The following MMP16 variants were observed in gnomAD, a reference collection of about 807,000 sequenced individuals.
The protein encoded by MMP16 is matrix metallopeptidase 16.
A neutral mutation model predicts 67.8 loss-of-function variants in MMP16; 12 were observed. The observed-to-expected ratio is 0.18, with a 90% CI of 0.11 to 0.29. The LOEUF (loss-of-function observed/expected upper bound fraction) is 0.29. MMP16 is among the 10% of genes least tolerant of loss of function. The pLI, the probability that MMP16 is intolerant of heterozygous loss-of-function variation, is 1.00. For synonymous variants in MMP16, 249 were observed against 255.9 expected (o/e 0.97, Z 0.26); for missense variants, 475 against 765.7 (o/e 0.62, Z 4.48).
chr8:88,243,694 A>G (rs1385198421), intron 1 of MMP16, among the ~76,000 whole-genome samples: 3 of 152,182 alleles, frequency 2.0e-5, no homozygotes, highest in African/African-American at 7.2e-5. Flanking sequence ...AATCGTTGGA[A>G]GAAGGCCCAA....
intron 4 of MMP16, among the ~76,000 whole-genome samples, chr8:88,130,072 G>A (rs1808001489): frequency 6.6e-6 from 1 of 151,726 alleles, no homozygotes; most frequent in African/African-American, 2.4e-5. Context: ...CATTTCAGCA[G>A]TAACTTGAGC....
intron 4 of MMP16, among the ~76,000 whole-genome samples, chr8:88,125,322 G>T (rs1306103106): frequency 6.6e-6 from 1 of 151,592 alleles, no homozygotes; most frequent in Non-Finnish European, 1.5e-5. Context: ...AGGTTTGCTG[G>T]GAATGTTAGA....
At chr8:88,163,539 T>C (rs972438348) in intron 4 of MMP16, among the ~76,000 whole-genome samples, 5 of 152,090 alleles carry the variant, frequency 3.3e-5, no homozygotes, top group African/African-American at 9.7e-5. Context: ...CCTCTAGATA[T>C]TATTCTGTCA....
At chr8:88,321,705 T>A (rs1811462680) in intron 1 of MMP16, among the ~76,000 whole-genome samples, 1 of 152,196 alleles carries the variant, frequency 6.6e-6, no homozygotes, top group Non-Finnish European at 1.5e-5. Flanking sequence ...ATATTGCATT[T>A]CCCATCCCCT....
At chr8:88,062,642 C>T (rs1360391713) in intron 7 of MMP16, among the ~76,000 whole-genome samples, 1 of 151,582 alleles carries the variant, frequency 6.6e-6, no homozygotes, top group East Asian at 2.0e-4. Flanking sequence ...GAACATCACA[C>T]ACCGGGGCCT....
chr8:88,129,996 C>T (rs1220710138), intron 4 of MMP16, among the ~76,000 whole-genome samples: 1 of 151,630 alleles, frequency 6.6e-6, no homozygotes, highest in Admixed American at 6.6e-5. Context: ...AATAAGATTT[C>T]CCAGCTTGAT....
intron 3 of MMP16, among the ~76,000 whole-genome samples, chr8:88,173,880 A>AT (rs1244935265): frequency 6.6e-6 from 1 of 152,178 alleles, no homozygotes. Context: ...GGCAGACTTA[A>AT]TTAAGTACAT....
At chr8:88,087,260 A>G (rs1808848992) in intron 6 of MMP16, among the ~76,000 whole-genome samples, 1 of 151,904 alleles carries the variant, frequency 6.6e-6, no homozygotes, top group Non-Finnish European at 1.5e-5. Flanking sequence ...CATAAGCATC[A>G]TCATCATACT....
rs993789984 is a variant in MMP16 at position 88,206,709 on chromosome 8, T to C, written c.133-9403A>G. Among the ~76,000 whole-genome samples, 7 of 152,378 alleles carry C rather than the reference T, an allele frequency of 4.6e-5. No homozygotes were observed. In the South Asian group the frequency reaches 1.2e-3, roughly 27 times the overall value. On this transcript the variant is annotated intron_variant, in intron 1 of 9. Coordinates refer to ENST00000286614, the MANE Select transcript of MMP16 (RefSeq NM_005941.5). Reference sequence around the variant, plus strand: ...AATATCAGAAGTGTTTTGGTCTTTATTTAGAAGTCTGGTGATGGTTTTTGT... The same window carrying C: ...AATATCAGAAGTGTTTTGGTCTTTACTTAGAAGTCTGGTGATGGTTTTTGT...
chr8:88,302,467 T>C (rs1246584540), intron 1 of MMP16, among the ~76,000 whole-genome samples: 3 of 152,202 alleles, frequency 2.0e-5, no homozygotes, highest in Non-Finnish European at 4.4e-5. Context: ...AAAGTCCCTG[T>C]TGTACTCCTT....
At chr8:88,283,964 T>C (rs1810783130) in intron 1 of MMP16, among the ~76,000 whole-genome samples, 1 of 152,208 alleles carries the variant, frequency 6.6e-6, no homozygotes, top group Non-Finnish European at 1.5e-5. Flanking sequence ...ATTTGAGCAT[T>C]GAATAAATGT....
intron 1 of MMP16, among the ~76,000 whole-genome samples, chr8:88,275,043 A>C (rs993866479): frequency 6.6e-6 from 1 of 152,028 alleles, no homozygotes; most frequent in Non-Finnish European, 1.5e-5. Flanking sequence ...AATCACATTA[A>C]GGAGTAAATA....
At chr8:88,059,666 A>G (rs1808372907) in intron 7 of MMP16, among the ~76,000 whole-genome samples, 1 of 152,044 alleles carries the variant, frequency 6.6e-6, no homozygotes, top group South Asian at 2.1e-4. Flanking sequence ...GGTCCTTTAT[A>G]TCATCCCTTC....
At chr8:88,069,266 G>A (rs1234830453) in intron 7 of MMP16, 2 of 338,072 alleles carry the variant, frequency 5.9e-6, no homozygotes, top group Admixed American at 4.7e-5. Flanking sequence ...TCAATGTAGA[G>A]GTCATGCACA....
intron 6 of MMP16, among the ~76,000 whole-genome samples, chr8:88,079,780 T>A (rs1368545311): frequency 6.6e-6 from 1 of 152,100 alleles, no homozygotes; most frequent in Non-Finnish European, 1.5e-5. Context: ...ATTGCCCTTA[T>A]AAAAGAGGCC....
intron 1 of MMP16, among the ~76,000 whole-genome samples, chr8:88,256,845 C>A (rs940158892): frequency 6.6e-6 from 1 of 152,122 alleles, no homozygotes; most frequent in Non-Finnish European, 1.5e-5. Flanking sequence ...GTGAGGTCAT[C>A]ATAGCCAAAT....
intron 3 of MMP16, among the ~76,000 whole-genome samples, chr8:88,183,707 T>G: frequency 9.8e-6 from 1 of 102,230 alleles, no homozygotes; most frequent in East Asian, 2.9e-4. Context: ...TAACAAAATG[T>G]CCTTCTTTTT....
chr8:88,232,764 G>C (rs1311618500), intron 1 of MMP16, among the ~76,000 whole-genome samples: 1 of 152,160 alleles, frequency 6.6e-6, no homozygotes, highest in African/African-American at 2.4e-5. Flanking sequence ...ACAGCAAATG[G>C]ACTTTCAATG....
chr8:88,327,320 T>G lies in MMP16; in HGVS notation c.-114A>C. 2 of 1,422,704 alleles carry G rather than the reference T, an allele frequency of 1.4e-6. No homozygotes were observed. The highest frequency in any genetic ancestry group is 2.4e-5 in the East Asian group (1 of 42,078). The allele number at this position is 1,422,704 out of a possible 1,614,324, so 88.1% of individuals were successfully genotyped here. ...AAGTCCTCCGGGTGGGTAAGGAGCC[T>G]GCAGGTTCACCCACAGCCGGGCAAG... On this transcript the variant is annotated 5_prime_UTR_variant, in exon 1 of 10. Transcript: ENST00000286614.
Sources: gnomAD v4.1 joint callset for allele counts (sites outside exome capture counted in the v4.1 genomes callset) on GRCh38, gnomAD v4.1.1 for gene constraint, MANE v1.5 for transcripts, NCBI Gene and HGNC (gene_info 2026-07-23, HGNC 2026-07-21) for gene names.